The following CREB3L1 variants were observed in gnomAD, a reference collection of about 807,000 sequenced individuals.
CREB3L1 encodes cyclic AMP-responsive element-binding protein 3-like protein 1.
Under a neutral mutation model 54.5 loss-of-function variants are expected in CREB3L1, and 33 were observed. The observed-to-expected ratio is 0.61, with a 90% CI of 0.46 to 0.81. The LOEUF (loss-of-function observed/expected upper bound fraction) is 0.81, where lower values mean the gene tolerates loss of function less well. Ranked by LOEUF, CREB3L1 falls within the 30% of genes least tolerant of loss-of-function variation. The pLI, the probability that CREB3L1 is intolerant of heterozygous loss-of-function variation, is 0.00. For missense variants in CREB3L1, 656 were observed against 673.3 expected, an observed-to-expected ratio of 0.97 and a Z score of 0.29; for synonymous variants, 284 against 286.4, an observed-to-expected ratio of 0.99 and a Z score of 0.08.
intron 1 of CREB3L1, among the ~76,000 whole-genome samples, chr11:46,282,245 G>T (rs968224236): frequency 5.9e-5 from 9 of 152,120 alleles, no homozygotes; most frequent in Non-Finnish European, 1.3e-4. Flanking sequence ...TGCAGCCATC[G>T]AGGTCCTGCA....
chr11:46,296,806 C>A (rs1281645367), intron 1 of CREB3L1, among the ~76,000 whole-genome samples: 1 of 152,178 alleles, frequency 6.6e-6, no homozygotes, highest in Non-Finnish European at 1.5e-5. Context: ...CTGGAAGCTC[C>A]ATCCTGCTGG....
chr11:46,293,294 C>T (rs901609867), intron 1 of CREB3L1, among the ~76,000 whole-genome samples: 1 of 152,242 alleles, frequency 6.6e-6, no homozygotes, highest in Admixed American at 6.5e-5. Flanking sequence ...CCAGACACAG[C>T]TAATCCCAGC....
chr11:46,309,886 A>G (rs559513245), intron 3 of CREB3L1, 103 bp from the exon 4 acceptor site: 8 of 886,186 alleles, frequency 9.0e-6, no homozygotes, highest in South Asian at 6.0e-5. Flanking sequence ...CACTTCCCCA[A>G]CTGTGCAGGG....
At chr11:46,296,528 C>G (rs1939213664) in intron 1 of CREB3L1, among the ~76,000 whole-genome samples, 1 of 152,174 alleles carries the variant, frequency 6.6e-6, no homozygotes, top group Non-Finnish European at 1.5e-5. Flanking sequence ...CCTTCTGCCT[C>G]TAACTTGGTG....
intron 2 of CREB3L1, among the ~76,000 whole-genome samples, chr11:46,303,750 C>T (rs573540996): frequency 1.1e-4 from 16 of 152,080 alleles, no homozygotes; most frequent in African/African-American, 3.4e-4. Flanking sequence ...CCTATAATCC[C>T]GGCACTTTGG....
Position 46,278,054 on chromosome 11 carries a change from C to A in CREB3L1, c.-58C>A. The A allele has an allele frequency of 9.1e-7, 1 of 1,095,558 alleles. No homozygotes were observed. The highest frequency in any genetic ancestry group is 1.3e-6 in the Non-Finnish European group (1 of 772,144). The allele number at this position is 1,095,558 out of a possible 1,614,324, so 67.9% of individuals were successfully genotyped here. A position where few individuals can be genotyped will look rare whatever the true frequency, so the allele number is the denominator to read the frequency against. On this transcript the variant is annotated 5_prime_UTR_variant, in exon 1 of 12. Transcript: ENST00000621158. This position sits in a 1 kb window ranked among gnomAD's most constrained non-coding sequence, Gnocchi z 4.2. ...TCAGGCAGGAGCTCTGGACTGGGCGCGCCGCCGCCCTGGAGTGAGGGAAGC... is the reference window on the plus strand; with the variant it reads ...TCAGGCAGGAGCTCTGGACTGGGCGAGCCGCCGCCCTGGAGTGAGGGAAGC...
intron 11 of CREB3L1, 54 bp downstream of exon 11, chr11:46,320,582 GCCCA>G (rs1939636074): frequency 3.9e-6 from 6 of 1,550,044 alleles, no homozygotes; most frequent in Non-Finnish European, 5.2e-6. Flanking sequence ...CCTGCCTCCT[GCCCA>G]CCCTTGGTCC....
chr11:46,307,915 C>T lies in CREB3L1; in HGVS notation c.431C>T (p.Pro144Leu), dbSNP rs548374759. The change falls in exon 3 of 12, where the codon CCC becomes CTC. Residue 144 changes from proline to leucine, a missense_variant. Physicochemically the swap from Pro to Leu is moderately conservative, Grantham distance 98. Coordinates refer to ENST00000621158, the MANE Select transcript of CREB3L1 (RefSeq NM_052854.4). The stretch of plus-strand genomic sequence containing the variant: ...CTGCCCGTGGACCCTCTGGCTGCCC[C>T]CTCGGCCATGGCTGCCGCGGCCGCC... ...PELPVDPLAA[P>L]SAMAAAAAMA... is the part of the protein sequence containing the mutation. The T allele has an allele frequency of 6.4e-7, 1 of 1,572,058 alleles. No homozygotes were observed. The highest frequency in any genetic ancestry group is 2.4e-5 in the East Asian group (1 of 41,862).
intron 1 of CREB3L1, among the ~76,000 whole-genome samples, chr11:46,296,788 C>T (rs1161246323): frequency 6.6e-6 from 1 of 152,180 alleles, no homozygotes; most frequent in African/African-American, 2.4e-5. Flanking sequence ...CACTTGGCTC[C>T]CGTTGCTCTG....
At position 46,307,801 on chromosome 11, in the gene CREB3L1, T is replaced by C; in HGVS notation, c.332-15T>C. 6.5e-7 allele frequency: 1 copy of C among 1,542,484 alleles called. No individual in the cohort carries two copies. The highest frequency in any genetic ancestry group is 8.8e-7 in the Non-Finnish European group (1 of 1,142,694). On this transcript the variant is annotated splice_polypyrimidine_tract_variant and intron_variant, in intron 2 of 11. Transcript: ENST00000621158. ...CTCTGCCCTAGAGTCCCCTGAGCCT[T>C]TCCCCTTCCCCTAGATGCAGAGCAT...
intron 1 of CREB3L1, among the ~76,000 whole-genome samples, chr11:46,291,084 G>T (rs935583085): frequency 6.6e-6 from 1 of 152,214 alleles, no homozygotes; most frequent in African/African-American, 2.4e-5. Flanking sequence ...TATGATGGCA[G>T]GAGGGAGGCA....
chr11:46,301,151 A>G (rs565997967), intron 2 of CREB3L1, among the ~76,000 whole-genome samples: 233 of 151,126 alleles, frequency 1.5e-3, no homozygotes, highest in African/African-American at 5.5e-3. Context: ...CCTGGGTGAC[A>G]AGAGCGAAAC....
At chr11:46,309,336 C>T (rs1396602722) in intron 3 of CREB3L1, among the ~76,000 whole-genome samples, 1 of 152,226 alleles carries the variant, frequency 6.6e-6, no homozygotes, top group Non-Finnish European at 1.5e-5. Context: ...GCACCACTTA[C>T]TTGCATGTTG....
rs1005346305 is a variant in CREB3L1, at chr11:46,295,579, G to C, written c.103-4356G>C. Reference sequence around the variant, plus strand: ...TGCGCTCCCTCAGCCGCGGGCCGTCGGCGCAGGCCGGGACCCTCCTCCGCG... The same window carrying C: ...TGCGCTCCCTCAGCCGCGGGCCGTCCGCGCAGGCCGGGACCCTCCTCCGCG... On this transcript the variant is annotated intron_variant, in intron 1 of 11. Transcript: ENST00000621158. The surrounding 1 kb of genome is among the most constrained non-coding windows in gnomAD (Gnocchi z 4.6). Among the ~76,000 whole-genome samples the C allele has an allele frequency of 2.0e-5, 3 of 152,152 alleles. No individual in the cohort carries two copies. Among genetic ancestry groups the C allele is most frequent in the South Asian group, 4.1e-4 (2 of 4,830 alleles).
intron 1 of CREB3L1, among the ~76,000 whole-genome samples, chr11:46,280,176 T>TTTTTTTG (rs1301374908): frequency 3.3e-5 from 5 of 150,100 alleles, no homozygotes; most frequent in African/African-American, 1.2e-4. Flanking sequence ...TTCTTGTTTT[T>TTTTTTTG]TTTTTTGTTT....
intron 3 of CREB3L1, among the ~76,000 whole-genome samples, chr11:46,309,753 A>T (rs1939456964): frequency 6.6e-6 from 1 of 152,156 alleles, no homozygotes; most frequent in South Asian, 2.1e-4. Flanking sequence ...ACCTTCTCTG[A>T]GCTTAAGGTC....
intron 3 of CREB3L1, among the ~76,000 whole-genome samples, chr11:46,308,894 A>G (rs1939442957): frequency 6.6e-6 from 1 of 152,228 alleles, no homozygotes; most frequent in Admixed American, 6.5e-5. Flanking sequence ...AGGCCTTGCC[A>G]AAGCAGGAAG....
chr11:46,287,461 G>A (rs1462290920), intron 1 of CREB3L1, among the ~76,000 whole-genome samples: 2 of 151,992 alleles, frequency 1.3e-5, no homozygotes, highest in Non-Finnish European at 2.9e-5. Context: ...ACCATGTCTG[G>A]CTAATTTTTT....
At chr11:46,292,292 C>T (rs1939141406) in intron 1 of CREB3L1, among the ~76,000 whole-genome samples, 1 of 152,188 alleles carries the variant, frequency 6.6e-6, no homozygotes, top group Non-Finnish European at 1.5e-5. Flanking sequence ...GAGCAAGATT[C>T]GGGACGGTCA....
Sources: gnomAD v4.1 joint callset for allele counts (sites outside exome capture counted in the v4.1 genomes callset) on GRCh38, gnomAD v4.1.1 for gene constraint, Gnocchi (gnomAD v3.1) non-coding constraint, MANE v1.5 for transcripts, NCBI Gene and HGNC (gene_info 2026-07-23, HGNC 2026-07-21) for gene names.